The following TMEM218 variants were observed in gnomAD, a reference collection of about 807,000 sequenced individuals.
The protein encoded by TMEM218 is transmembrane protein 218.
A neutral mutation model predicts 10.0 loss-of-function variants in TMEM218; 8 were observed. That is an observed-to-expected ratio of 0.80 (90% CI 0.47 to 1.44). The LOEUF is 1.44. Among genes scored for constraint, TMEM218 ranks in the 40% most tolerant of loss-of-function variants. The pLI is 0.00. For missense variants in TMEM218, 110 were observed against 140.1 expected, an observed-to-expected ratio of 0.79 and a Z score of 1.08; for synonymous variants, 66 against 63.5, an observed-to-expected ratio of 1.04 and a Z score of -0.18.
At chr11:125,098,732 AG>A (rs1298507481) in intron 4 of TMEM218, among the ~76,000 whole-genome samples, 1 of 152,204 alleles carries the variant, frequency 6.6e-6, no homozygotes, top group African/African-American at 2.4e-5. Flanking sequence ...CCTTAAAACA[AG>A]GGGTATTAAT....
intron 4 of TMEM218, among the ~76,000 whole-genome samples, chr11:125,098,962 A>G (rs1950171745): frequency 6.6e-6 from 1 of 152,144 alleles, no homozygotes; most frequent in Non-Finnish European, 1.5e-5. Flanking sequence ...CTCCCCTAGA[A>G]CTTCTGGAAA....
intron 1 of TMEM218, among the ~76,000 whole-genome samples, chr11:125,110,971 G>A (rs1294243893): frequency 1.3e-5 from 2 of 151,958 alleles, no homozygotes; most frequent in African/African-American, 4.8e-5. Flanking sequence ...GCAAGCCTGG[G>A]GAAAAAATCA....
intron 3 of TMEM218, chr11:125,101,570 TAATC>T (rs755958470): frequency 5.2e-6 from 7 of 1,343,596 alleles, no homozygotes; most frequent in Non-Finnish European, 6.9e-6. Context: ...CCCAAAGTCA[TAATC>T]AAGAAAAACC....
In TMEM218 at chr11:125,102,217, C is replaced by T. The variant is rs200516919; in HGVS notation, c.25G>A (p.Gly9Ser). MAGTVLGV[G>S]AGVFILALLW... ...AGGGCTAAGATGAACACGCCCGCAC[C>T]GACTCCGAGCACAGTGCCAGCCATC... The change falls in exon 3 of 5, where the codon GGT becomes AGT. Residue 9 changes from glycine to serine, a missense_variant. Coordinates refer to ENST00000682305, the MANE Select transcript of TMEM218 (RefSeq NM_001258244.2). The T allele has an allele frequency of 1.1e-4, 176 of 1,613,076 alleles. No individual in the cohort carries two copies. Among genetic ancestry groups the T allele is most frequent in the Non-Finnish European group, 1.4e-4 (161 of 1,179,584 alleles).
intron 4 of TMEM218, among the ~76,000 whole-genome samples, chr11:125,098,434 C>T (rs977711369): frequency 1.3e-5 from 2 of 152,212 alleles, no homozygotes; most frequent in South Asian, 4.1e-4. Context: ...CACTTGTCCA[C>T]TGACCCCTTC....
intron 2 of TMEM218, 21 bp from the exon 3 acceptor site, chr11:125,102,338 C>G (rs1411552265): frequency 1.4e-5 from 22 of 1,546,900 alleles, no homozygotes; most frequent in Non-Finnish European, 1.7e-5. Context: ...AGCATTCAGA[C>G]AAATACAGAA....
At chr11:125,100,459 A>G (rs1950532999) in intron 4 of TMEM218, among the ~76,000 whole-genome samples, 1 of 152,236 alleles carries the variant, frequency 6.6e-6, no homozygotes, top group Non-Finnish European at 1.5e-5. Context: ...GAAATCCCTT[A>G]AAGAATGTTA....
rs1197117975 is a variant in TMEM218, at chr11:125,094,946, T to C, written c.*2660A>G. On this transcript the variant is annotated 3_prime_UTR_variant, in exon 5 of 5. Transcript: ENST00000682305. Reference sequence around the variant, plus strand: ...ATGAATGGCAGGATTCGAGAATGAATGGCTATGTACTCCCTAGTCCCTGGA... The same window carrying C: ...ATGAATGGCAGGATTCGAGAATGAACGGCTATGTACTCCCTAGTCCCTGGA... Among the ~76,000 whole-genome samples, 1 of 152,190 alleles carries C rather than the reference T, an allele frequency of 6.6e-6. No homozygotes were observed. The highest frequency in any genetic ancestry group is 1.5e-5 in the Non-Finnish European group (1 of 68,026).
At position 125,102,131 on chromosome 11, in the gene TMEM218, C is replaced by T. The variant is rs1950940790; in HGVS notation, c.110+1G>A. On this transcript the variant is annotated splice_donor_variant, in intron 3 of 4. Transcript: ENST00000682305. LOFTEE classifies it high-confidence loss of function. ...ACTCCCAGTTGGACAGAATGCCTTA[C>T]CTCGCCGCCCCGGAGGCTCTGGACA... The T allele has an allele frequency of 1.3e-6, 2 of 1,549,544 alleles. No individual in the cohort carries two copies. The highest frequency in any genetic ancestry group is 1.7e-6 in the Non-Finnish European group (2 of 1,153,094).
chr11:125,101,374 G>T, intron 3 of TMEM218, 71 bp from the exon 4 acceptor site: 1 of 1,530,820 alleles, frequency 6.5e-7, no homozygotes, highest in Non-Finnish European at 8.8e-7. Context: ...GGTCTGGACA[G>T]TCTCTTCCTT....
intron 4 of TMEM218, among the ~76,000 whole-genome samples, chr11:125,099,817 G>A (rs1950363538): frequency 6.6e-6 from 1 of 151,954 alleles, no homozygotes; most frequent in Non-Finnish European, 1.5e-5. Context: ...TCAGCTACTC[G>A]GGAGGCTGAG....
At chr11:125,111,443 G>C (rs1041037177) in intron 1 of TMEM218, 96 bp downstream of exon 1, 1 of 152,216 alleles carries the variant, frequency 6.6e-6, no homozygotes, top group African/African-American at 2.4e-5. Flanking sequence ...TGGTCTGCGA[G>C]GTCCGTGCAC....
rs1043821 is a variant in TMEM218 at position 125,097,591 on chromosome 11, T to A, written c.*15A>T. On this transcript the variant is annotated 3_prime_UTR_variant, in exon 5 of 5. Coordinates refer to ENST00000682305, the MANE Select transcript of TMEM218 (RefSeq NM_001258244.2). ...AATGAAGGAGAGAACAGGTTTTCGT[T>A]TTCCTGAAGAGTGGTCAGTAGGAGT... 0.48 allele frequency: 765,920 copies of A among 1,609,966 alleles called. 186,786 individuals are homozygous for A. The highest frequency in any genetic ancestry group is 0.7 in the East Asian group (31,568 of 44,820).
chr11:125,110,630 A>C (rs1462796708), intron 1 of TMEM218: 1 of 152,236 alleles, frequency 6.6e-6, no homozygotes, highest in Non-Finnish European at 1.5e-5. Flanking sequence ...AAGATGACTT[A>C]TAAGATGACT....
rs1949585618 is a variant in TMEM218, at chr11:125,095,898, T to A, written c.*1708A>T. Among the ~76,000 whole-genome samples, 1 of 152,158 alleles carries A rather than the reference T, an allele frequency of 6.6e-6. No individual in the cohort carries two copies. The highest frequency in any genetic ancestry group is 1.5e-5 in the Non-Finnish European group (1 of 68,020). ...CCCAGAGTTACTTTTTTAGCAAGGC[T>A]CTCAGAAGAAGGTAACAATTGGCAG... On this transcript the variant is annotated 3_prime_UTR_variant, in exon 5 of 5. Transcript: ENST00000682305.
At position 125,094,826 on chromosome 11, in the gene TMEM218, G is replaced by C. The variant is rs1218440184; in HGVS notation, c.*2780C>G. ...TGCCCTCCTTCCAGGAAGCAGTGAG[G>C]AAGACAGTCTAGACACCTTACAGCC... On this transcript the variant is annotated 3_prime_UTR_variant, in exon 5 of 5. Coordinates refer to ENST00000682305, the MANE Select transcript of TMEM218 (RefSeq NM_001258244.2). Among the ~76,000 whole-genome samples, 1 of 152,178 alleles carries C rather than the reference G, an allele frequency of 6.6e-6. No individual in the cohort carries two copies. Among genetic ancestry groups the C allele is most frequent in the African/African-American group, 2.4e-5 (1 of 41,446 alleles).
At chr11:125,102,491 G>T (rs1471727978) in intron 2 of TMEM218, 174 bp from the exon 3 acceptor site, 17 of 1,459,318 alleles carry the variant, frequency 1.2e-5, no homozygotes, top group African/African-American at 2.9e-5. Flanking sequence ...CTTTCTCTTT[G>T]GTGGGGACTG....
intron 3 of TMEM218, 25 bp downstream of exon 3, chr11:125,102,107 C>CTG (rs1399282641): frequency 6.6e-7 from 1 of 1,520,884 alleles, no homozygotes; most frequent in African/African-American, 1.4e-5. Flanking sequence ...TTACCTAGGA[C>CTG]TCCCAGTTGG....
In TMEM218 at chr11:125,101,267, G is replaced by T; in HGVS notation, c.147C>A (p.Ile49=). ...GGAAAAGCAACAGAACTGATGTGAT[G>T]ATCACAGCACCGAAGAATAAAAAAA... ...SVIFLFFGAV[I]ITSVLLLFPR... is the part of the protein sequence containing the mutation. Residue 49 remains isoleucine, a synonymous_variant, in exon 4 of 5, where the codon ATC becomes ATA. Transcript: ENST00000682305. The T allele has an allele frequency of 1.2e-6, 2 of 1,613,662 alleles. No homozygotes were observed. Among genetic ancestry groups the T allele is most frequent in the East Asian group, 2.2e-5 (1 of 44,880 alleles).
Sources: gnomAD v4.1 joint callset for allele counts (sites outside exome capture counted in the v4.1 genomes callset) on GRCh38, gnomAD v4.1.1 for gene constraint, MANE v1.5 for transcripts, NCBI Gene and HGNC (gene_info 2026-07-23, HGNC 2026-07-21) for gene names.